PTOV1: variants seen among roughly 807,000 people sequenced by gnomAD.
PTOV1 encodes prostate tumor-overexpressed gene 1 protein.
PTOV1 carries 20 observed loss-of-function variants against 58.0 expected under a neutral mutation model. That is an observed-to-expected ratio of 0.34 (90% CI 0.24 to 0.50). The LOEUF (loss-of-function observed/expected upper bound fraction) is 0.50. Ranked by LOEUF, PTOV1 falls within the 20% of genes least tolerant of loss-of-function variation. The probability of loss-of-function intolerance (pLI) is 0.98; values close to 1 mark genes in which losing one functional copy is unlikely to be tolerated. For missense variants in PTOV1, 593 were observed against 565.4 expected (o/e 1.05, Z -0.50); for synonymous variants, 335 against 234.2 (o/e 1.43, Z -3.93).
At chr19:49,855,838 C>T (rs1332340150) in intron 5 of PTOV1, among the ~76,000 whole-genome samples, 1 of 152,052 alleles carries the variant, frequency 6.6e-6, no homozygotes, top group Non-Finnish European at 1.5e-5. Flanking sequence ...CTAGTGAGTG[C>T]TGGGTGAACC....
exon 3 of PTOV1, chr19:49,854,657 C>T: frequency 2.0e-5 from 33 of 1,613,466 alleles, no homozygotes; most frequent in Non-Finnish European, 2.8e-5. Context: ...CACAGAAGCG[C>T]AGACCCTACT....
intron 10 of PTOV1, among the ~76,000 whole-genome samples, chr19:49,859,657 G>T (rs2074657625): frequency 6.6e-6 from 1 of 152,184 alleles, no homozygotes; most frequent in South Asian, 2.1e-4. Context: ...GGCCGCTGCA[G>T]ATCCCTCGGG....
In PTOV1 at chr19:49,858,127, GGCCGGGTGCTGGA is replaced by G; in HGVS notation, c.936+17_936+29del. ...GCAGCAGCTGCTGGTGAGGGGCTGGGGCCGGGTGCTGGAGCCTGCACGCAGTAGCTCTTCCAGA... is the reference window on the plus strand; with the variant it reads ...GCAGCAGCTGCTGGTGAGGGGCTGGGGCCTGCACGCAGTAGCTCTTCCAGA... On this transcript the variant is annotated intron_variant, in intron 9 of 11. Transcript: ENST00000391842. The G allele has an allele frequency of 6.2e-7, 1 of 1,612,160 alleles. No individual in the cohort carries two copies. The highest frequency in any genetic ancestry group is 1.1e-5 in the South Asian group (1 of 91,028).
exon 2 of PTOV1, chr19:49,854,522 C>T (rs946785560): frequency 6.8e-6 from 11 of 1,612,974 alleles, no homozygotes; most frequent in Admixed American, 1.7e-5. Context: ...TGGCTTGGAG[C>T]GGCGTCCTCG....
intron 1 of PTOV1, 149 bp from the exon 2 acceptor site, chr19:49,854,257 G>C: frequency 9.6e-7 from 1 of 1,043,428 alleles, no homozygotes. Context: ...GTCCTGAGGG[G>C]TGAGCAGAGG....
exon 5 of PTOV1, chr19:49,855,033 T>C (rs1400927574): frequency 1.2e-6 from 2 of 1,600,318 alleles, no homozygotes; most frequent in Admixed American, 3.4e-5. Context: ...CAACAGAGAC[T>C]GCGACTCGCT....
At chr19:49,855,162 C>CG (rs761836978) in intron 5 of PTOV1, 85 bp downstream of exon 5, 50 of 1,348,338 alleles carry the variant, frequency 3.7e-5, no homozygotes, top group African/African-American at 1.0e-4. Flanking sequence ...AGGCGGGGGT[C>CG]GGGGGGTCTC....
At chr19:49,860,590 C>A in exon 12 of PTOV1, 1 of 534,384 alleles carries the variant, frequency 1.9e-6, no homozygotes, top group East Asian at 3.0e-5. Flanking sequence ...TGGCCAGCAG[C>A]CCCCACTGCA....
chr19:49,852,152 C>T, intron 1 of PTOV1: 1 of 881,792 alleles, frequency 1.1e-6, no homozygotes, highest in Non-Finnish European at 1.4e-6. Context: ...GGCTGTAAAA[C>T]CGCACATCGC....
At chr19:49,852,134 T>G (rs1568635891) in intron 1 of PTOV1, 1 of 951,640 alleles carries the variant, frequency 1.1e-6, no homozygotes, top group Non-Finnish European at 1.3e-6. Flanking sequence ...ACCGTAAGGT[T>G]TACCTGGGGC....
chr19:49,860,221 C>T, intron 11 of PTOV1, 38 bp downstream of exon 11: 1 of 1,613,794 alleles, frequency 6.2e-7, no homozygotes, highest in Non-Finnish European at 8.5e-7. Flanking sequence ...CAGTCTCCCT[C>T]CACCCCCGCT....
chr19:49,854,938 G>C, intron 4 of PTOV1, 32 bp from the exon 5 acceptor site: 1 of 1,585,006 alleles, frequency 6.3e-7, no homozygotes, highest in Non-Finnish European at 8.6e-7. Flanking sequence ...CCCATGCCTG[G>C]CTGACCCAGC....
At chr19:49,856,814 G>C in intron 5 of PTOV1, 161 bp from the exon 6 acceptor site, 7 of 817,324 alleles carry the variant, frequency 8.6e-6, no homozygotes, top group Non-Finnish European at 9.4e-6. Context: ...GGCGCTGCAC[G>C]GGCTCTCAGA....
chr19:49,857,787 G>A lies in PTOV1; in HGVS notation c.804+5G>A. ...GGTGTCATGGAGTGGCAGGAGGTGA[G>A]CACTCGGCAGCCCAGGGACTTGGGA... On this transcript the variant is annotated splice_donor_5th_base_variant and intron_variant, in intron 7 of 11. Transcript: ENST00000391842. The A allele has an allele frequency of 6.2e-7, 1 of 1,614,008 alleles. No homozygotes were observed. Among genetic ancestry groups the A allele is most frequent in the Non-Finnish European group, 8.5e-7 (1 of 1,179,916 alleles).
intron 1 of PTOV1, 189 bp downstream of exon 1, chr19:49,851,688 G>T: frequency 8.7e-7 from 1 of 1,152,678 alleles, no homozygotes; most frequent in Admixed American, 4.7e-5. Context: ...CCCCTTTGTT[G>T]CGCGTTCGGG....
chr19:49,858,177 G>A, intron 9 of PTOV1, 63 bp downstream of exon 9: 8 of 1,572,498 alleles, frequency 5.1e-6, no homozygotes, highest in Non-Finnish European at 6.9e-6. Flanking sequence ...GGCGGGGCTG[G>A]GGGCAAGAGC....
intron 1 of PTOV1, chr19:49,852,277 C>T (rs1254385130): frequency 5.8e-6 from 1 of 173,676 alleles, no homozygotes; most frequent in Non-Finnish European, 1.1e-5. Context: ...GCTGTGGCAG[C>T]CCTACTGAAA....
chr19:49,858,936 G>A, intron 10 of PTOV1: 1 of 333,070 alleles, frequency 3.0e-6, no homozygotes, highest in Non-Finnish European at 5.6e-6. Flanking sequence ...AGGCGCCCTT[G>A]TCACTCCTGG....
chr19:49,857,312 G>C, intron 6 of PTOV1, 182 bp downstream of exon 6: 1 of 861,762 alleles, frequency 1.2e-6, no homozygotes, highest in Non-Finnish European at 1.8e-6. Context: ...CGGCCACTGG[G>C]CGGCTCTGCA....
Sources: allele counts gnomAD v4.1 joint callset (sites outside exome capture counted in the v4.1 genomes callset), GRCh38; gene constraint gnomAD v4.1.1; transcripts MANE v1.5; gene names NCBI Gene and HGNC (gene_info 2026-07-23, HGNC 2026-07-21).